The following ARIH2 variants were observed in gnomAD, a reference collection of about 807,000 sequenced individuals.
The protein encoded by ARIH2 is ariadne RBR E3 ubiquitin protein ligase 2.
ARIH2 carries 12 observed loss-of-function variants against 79.8 expected under a neutral mutation model. The observed-to-expected ratio is 0.15, with a 90% confidence interval of 0.10 to 0.24. The LOEUF is 0.24. Ranked by LOEUF, ARIH2 falls within the 10% of genes least tolerant of loss-of-function variation. ARIH2 has a pLI of 1.00. For synonymous variants in ARIH2, 224 were observed against 213.9 expected, an observed-to-expected ratio of 1.05 and a Z score of -0.41; for missense variants, 301 against 618.3, an observed-to-expected ratio of 0.49 and a Z score of 5.44.
intron 3 of ARIH2, among the ~76,000 whole-genome samples, chr3:48,952,484 C>G (rs1022394493): frequency 6.6e-5 from 10 of 152,158 alleles, no homozygotes; most frequent in Admixed American, 5.2e-4. Context: ...ATAAGGGTGT[C>G]AGGAAGCTCA....
intron 3 of ARIH2, 23 bp downstream of exon 3, chr3:48,927,836 G>A: frequency 6.2e-7 from 1 of 1,608,728 alleles, no homozygotes; most frequent in Non-Finnish European, 8.5e-7. Flanking sequence ...GTAAACTCCA[G>A]TGTAATCCCC....
intron 3 of ARIH2, among the ~76,000 whole-genome samples, chr3:48,956,587 T>C (rs1019393595): frequency 2.0e-5 from 3 of 151,086 alleles, no homozygotes; most frequent in Non-Finnish European, 4.4e-5. Flanking sequence ...TGAACCACTG[T>C]GCCTGGCAGT....
intron 3 of ARIH2, among the ~76,000 whole-genome samples, chr3:48,952,936 T>A (rs2090135890): frequency 6.7e-6 from 1 of 148,604 alleles, no homozygotes; most frequent in Non-Finnish European, 1.5e-5. Context: ...TGTCAGCAAT[T>A]TTTTTTTTTT....
chr3:48,938,821 A>G (rs1346767952), intron 3 of ARIH2, among the ~76,000 whole-genome samples: 5 of 148,880 alleles, frequency 3.4e-5, no homozygotes, highest in Admixed American at 6.7e-5. Context: ...TGACTGATGA[A>G]TGTTGGAAGA....
chr3:48,965,045 A>T, intron 5 of ARIH2, 63 bp downstream of exon 5: 1 of 1,487,184 alleles, frequency 6.7e-7, no homozygotes. Flanking sequence ...TTTGGCTTGC[A>T]GTGTCCTTAA....
At chr3:48,978,521 G>T (rs1310264401) in intron 11 of ARIH2, among the ~76,000 whole-genome samples, 5 of 133,246 alleles carry the variant, frequency 3.8e-5, no homozygotes, top group African/African-American at 1.1e-4. Context: ...GTTTCACCAT[G>T]TTGGCCAGGC....
chr3:48,948,942 C>T, intron 3 of ARIH2: 40 of 351,044 alleles, frequency 1.1e-4, no homozygotes, highest in South Asian at 1.8e-4. Context: ...TTTTGTTTAC[C>T]CATTCATTTG....
At chr3:48,967,089 C>A (rs1438582117) in intron 5 of ARIH2, 36 bp from the exon 6 acceptor site, 4 of 1,605,382 alleles carry the variant, frequency 2.5e-6, no homozygotes, top group Non-Finnish European at 3.4e-6. Flanking sequence ...CTGGACCTGA[C>A]TCCTCTTTGG....
intron 6 of ARIH2, 162 bp from the exon 7 acceptor site, chr3:48,968,372 T>C: frequency 3.8e-6 from 2 of 524,660 alleles, no homozygotes; most frequent in Non-Finnish European, 6.7e-6. Flanking sequence ...TACGCCCGGC[T>C]AATTTTTTGT....
At chr3:48,934,156 A>T (rs2086796308) in intron 3 of ARIH2, among the ~76,000 whole-genome samples, 1 of 152,186 alleles carries the variant, frequency 6.6e-6, no homozygotes, top group Non-Finnish European at 1.5e-5. Flanking sequence ...TAAGTGCCGA[A>T]GTCTTTATAG....
At position 48,961,406 on chromosome 3, in the gene ARIH2, C is replaced by A. The variant is rs976589283; in HGVS notation, c.256-206C>A. On this transcript the variant is annotated intron_variant, in intron 3 of 15. Coordinates refer to ENST00000356401, the MANE Select transcript of ARIH2 (RefSeq NM_006321.4). Reference sequence around the variant, plus strand: ...TTCTTGAAAGATTTATTAATGAAAACAAAGATTGAAAATCAAGAGATTCAT... The same window carrying A: ...TTCTTGAAAGATTTATTAATGAAAAAAAAGATTGAAAATCAAGAGATTCAT... Among the ~76,000 whole-genome samples, 10 of 151,956 alleles carry A rather than the reference C, an allele frequency of 6.6e-5. No homozygotes were observed. The East Asian group carries it at 1.9e-3, about 29-fold the overall frequency.
chr3:48,984,021 G>A lies in ARIH2; in HGVS notation c.*751G>A, dbSNP rs1249331244. On this transcript the variant is annotated 3_prime_UTR_variant, in exon 16 of 16. Coordinates refer to ENST00000356401, the MANE Select transcript of ARIH2 (RefSeq NM_006321.4). ...TGAGGTTTACCTGGATCTGGCTACT[G>A]AGGCTAGAGCCCACAGCAGAATGGG... is the stretch of plus-strand genomic sequence containing the variant. 1 of 152,324 alleles carries A rather than the reference G, an allele frequency of 6.6e-6. No individual in the cohort carries two copies. The highest frequency in any genetic ancestry group is 1.5e-5 in the Non-Finnish European group (1 of 68,092). The allele number at this position is 152,324 out of a possible 1,614,324, so 9.4% of individuals were successfully genotyped here.
intron 4 of ARIH2, among the ~76,000 whole-genome samples, chr3:48,962,503 A>T (rs1315565743): frequency 6.6e-6 from 1 of 152,192 alleles, no homozygotes; most frequent in Admixed American, 6.5e-5. Context: ...TAGAGTCTCA[A>T]GATGTCTTAC....
intron 4 of ARIH2, 97 bp downstream of exon 4, chr3:48,961,776 A>T: frequency 1.3e-6 from 1 of 778,010 alleles, no homozygotes; most frequent in Non-Finnish European, 2.2e-6. Context: ...CTATATTCCA[A>T]TGTGCATAGT....
chr3:48,946,352 G>C (rs2089141987), intron 3 of ARIH2, among the ~76,000 whole-genome samples: 2 of 151,818 alleles, frequency 1.3e-5, no homozygotes, highest in Admixed American at 6.6e-5. Flanking sequence ...TAACCAAGTG[G>C]TAACTACTGA....
intron 14 of ARIH2, among the ~76,000 whole-genome samples, chr3:48,982,389 T>G (rs1286774043): frequency 6.6e-6 from 1 of 152,192 alleles, no homozygotes; most frequent in Non-Finnish European, 1.5e-5. Context: ...GTACCATCAC[T>G]TGGGACATTT....
intron 3 of ARIH2, chr3:48,934,659 A>C: frequency 1.0e-6 from 1 of 985,466 alleles, no homozygotes; most frequent in Non-Finnish European, 1.2e-6. Context: ...TTAGTCCAGA[A>C]GTCTGAGGTG....
chr3:48,944,032 A>T (rs151059252), intron 3 of ARIH2, among the ~76,000 whole-genome samples: 1 of 152,338 alleles, frequency 6.6e-6, no homozygotes, highest in East Asian at 1.9e-4. Flanking sequence ...GCTGGACATG[A>T]TCTGCCTATG....
chr3:48,978,486 T>A (rs1384266598), intron 11 of ARIH2, among the ~76,000 whole-genome samples: 56 of 145,108 alleles, frequency 3.9e-4, no homozygotes, highest in Middle Eastern at 3.5e-3. Flanking sequence ...TATATATATT[T>A]TTTTTTTTTT....
Sources: gnomAD v4.1 joint callset for allele counts (sites outside exome capture counted in the v4.1 genomes callset) on GRCh38, gnomAD v4.1.1 for gene constraint, MANE v1.5 for transcripts, NCBI Gene and HGNC (gene_info 2026-07-23, HGNC 2026-07-21) for gene names.